RIMS2: variants seen among roughly 807,000 people sequenced by gnomAD.
RIMS2 encodes the protein regulating synaptic membrane exocytosis 2, also known as regulating synaptic membrane exocytosis protein 2.
Under a neutral mutation model 174.4 loss-of-function variants are expected in RIMS2, and 59 were observed. That is an observed-to-expected ratio of 0.34 (90% confidence interval 0.27 to 0.42). The LOEUF (loss-of-function observed/expected upper bound fraction) is 0.42. Among genes scored for constraint, RIMS2 ranks in the 10% least tolerant of loss-of-function variants. The pLI is 1.00. For missense variants in RIMS2, 1,620 were observed against 1,666.3 expected, an observed-to-expected ratio of 0.97 and a Z score of 0.48; for synonymous variants, 606 against 572.5, an observed-to-expected ratio of 1.06 and a Z score of -0.84.
chr8:104,243,517 T>G (rs1247147043), intron 19 of RIMS2, among the ~76,000 whole-genome samples: 1 of 152,070 alleles, frequency 6.6e-6, no homozygotes, highest in East Asian at 1.9e-4. Context: ...AAACCCCATC[T>G]CTACTAAAAA....
chr8:103,639,698 A>G (rs2096180919), intron 1 of RIMS2, among the ~76,000 whole-genome samples: 1 of 151,856 alleles, frequency 6.6e-6, no homozygotes, highest in Admixed American at 6.6e-5. Context: ...TCACCTCTTA[A>G]CATCTTGGTT....
chr8:103,989,220 T>A lies in RIMS2; in HGVS notation c.2928-85T>A. The stretch of plus-strand genomic sequence containing the variant: ...GACTTCACCATATAGTGACTTTGTC[T>A]TTTTCTACTGTGCTTTAAAATAAAC... On this transcript the variant is annotated intron_variant, in intron 16 of 23. Transcript: ENST00000504942. 3 of 824,848 alleles carry A rather than the reference T, an allele frequency of 3.6e-6. No homozygotes were observed. The South Asian group carries it at 4.9e-5, about 14-fold the overall frequency. 51.1% of individuals were successfully genotyped at this position (824,848 alleles called of 1,614,324 possible).
chr8:103,953,762 A>G (rs1195096783), intron 14 of RIMS2, among the ~76,000 whole-genome samples: 5 of 152,154 alleles, frequency 3.3e-5, no homozygotes, highest in African/African-American at 9.7e-5. Context: ...TATTAACCTT[A>G]AATGTAAAAC....
intron 1 of RIMS2, among the ~76,000 whole-genome samples, chr8:103,518,824 C>T (rs1034439678): frequency 2.0e-5 from 3 of 152,080 alleles, no homozygotes; most frequent in East Asian, 1.9e-4. Context: ...AGAATTCCTA[C>T]GAGTGCATTT....
chr8:103,594,993 T>A (rs969279147), intron 1 of RIMS2, among the ~76,000 whole-genome samples: 10 of 151,828 alleles, frequency 6.6e-5, no homozygotes, highest in Admixed American at 6.6e-4. Flanking sequence ...TTTTTTCATT[T>A]CTTTTTCTAG....
At chr8:103,596,427 T>G (rs899306278) in intron 1 of RIMS2, among the ~76,000 whole-genome samples, 2 of 152,062 alleles carry the variant, frequency 1.3e-5, no homozygotes, top group Non-Finnish European at 2.9e-5. Context: ...GCACCTTTGC[T>G]TAATAGTGAA....
At chr8:103,619,072 T>A in intron 1 of RIMS2, among the ~76,000 whole-genome samples, 1 of 140,914 alleles carries the variant, frequency 7.1e-6, no homozygotes, top group Admixed American at 7.4e-5. Flanking sequence ...ATTACATGAG[T>A]CAATAACTTC....
At chr8:104,032,218 G>C (rs1337938331) in intron 19 of RIMS2, among the ~76,000 whole-genome samples, 1 of 151,834 alleles carries the variant, frequency 6.6e-6, no homozygotes, top group Non-Finnish European at 1.5e-5. Context: ...CCATATATTG[G>C]TAATTATTTA....
At position 104,118,379 on chromosome 8, in the gene RIMS2, T is replaced by TTTTTTG. The variant is rs1222524023; in HGVS notation, c.3334+103765_3334+103770dup. 1.4e-3 allele frequency among the ~76,000 whole-genome samples: 205 copies of TTTTTTG among 151,066 alleles called. 2 individuals carry two copies. The highest frequency in any genetic ancestry group is 4.7e-3 in the African/African-American group (192 of 41,220). Reference sequence around the variant, plus strand: ...GTTTTTTTGTTTTTTTGTTTTTTTTTTTTTTGAGACAGGGTCTTGTTCTGT... The same window carrying TTTTTTG: ...GTTTTTTTGTTTTTTTGTTTTTTTTTTTTTTGTTTTTGAGACAGGGTCTTGTTCTGT... On this transcript the variant is annotated intron_variant, in intron 19 of 23. Coordinates refer to ENST00000504942, the Ensembl canonical transcript of RIMS2.
intron 1 of RIMS2, among the ~76,000 whole-genome samples, chr8:103,632,534 C>T (rs1296983558): frequency 1.3e-5 from 2 of 151,998 alleles, no homozygotes; most frequent in Non-Finnish European, 2.9e-5. Flanking sequence ...GATTCTCCTG[C>T]CTCAGCCTCC....
intron 19 of RIMS2, among the ~76,000 whole-genome samples, chr8:104,079,627 A>AC (rs2097370977): frequency 3.0e-5 from 4 of 133,206 alleles, no homozygotes; most frequent in African/African-American, 1.1e-4. Flanking sequence ...ATATATATAT[A>AC]TATATATATA....
chr8:104,166,999 T>C (rs966555481), intron 19 of RIMS2, among the ~76,000 whole-genome samples: 1 of 152,190 alleles, frequency 6.6e-6, no homozygotes, highest in Non-Finnish European at 1.5e-5. Context: ...GGTGTGTATA[T>C]GCCACATTTA....
At chr8:103,519,713 A>G (rs560837495) in intron 1 of RIMS2, among the ~76,000 whole-genome samples, 1 of 142,912 alleles carries the variant, frequency 7.0e-6, no homozygotes, top group East Asian at 2.0e-4. Context: ...CTCTCAGTAC[A>G]TGTTTTCGTG....
chr8:104,026,862 T>G (rs2096268322), intron 19 of RIMS2, among the ~76,000 whole-genome samples: 1 of 152,124 alleles, frequency 6.6e-6, no homozygotes, highest in Non-Finnish European at 1.5e-5. Context: ...GCAGGGAGAA[T>G]GTTAGCACCC....
At chr8:103,650,472 G>A (rs559983504) in intron 1 of RIMS2, among the ~76,000 whole-genome samples, 1 of 152,328 alleles carries the variant, frequency 6.6e-6, no homozygotes, top group African/African-American at 2.4e-5. Flanking sequence ...GCATTCAGGG[G>A]TCTCTTCTTT....
Position 104,189,585 on chromosome 8 carries a change from TA to T in RIMS2, c.3335-55330del. Among the ~76,000 whole-genome samples the T allele has an allele frequency of 4.5e-5, 6 of 134,018 alleles. No individual in the cohort carries two copies. The South Asian group carries it at 8.6e-4, about 19-fold the overall frequency. 87.9% of individuals were successfully genotyped at this position (134,018 alleles called of 152,430 possible). On this transcript the variant is annotated intron_variant, in intron 19 of 23. Transcript: ENST00000504942. ...AGATAAATTCCAAATATATACATTATATATATATATATATTTATGTAAATAT... is the reference window on the plus strand; with the variant it reads ...AGATAAATTCCAAATATATACATTATTATATATATATATTTATGTAAATAT...
At chr8:104,218,445 G>A (rs918279577) in intron 19 of RIMS2, among the ~76,000 whole-genome samples, 1 of 152,204 alleles carries the variant, frequency 6.6e-6, no homozygotes, top group Non-Finnish European at 1.5e-5. Flanking sequence ...GTCGAAGACA[G>A]TTCTTCCACA....
At chr8:104,163,206 A>G (rs1166746503) in intron 19 of RIMS2, among the ~76,000 whole-genome samples, 1 of 152,188 alleles carries the variant, frequency 6.6e-6, no homozygotes, top group Non-Finnish European at 1.5e-5. Context: ...CTCTAAGTGG[A>G]CAAATTCTTC....
At chr8:104,229,332 G>A (rs1400794865) in intron 19 of RIMS2, among the ~76,000 whole-genome samples, 2 of 151,384 alleles carry the variant, frequency 1.3e-5, no homozygotes, top group Non-Finnish European at 2.9e-5. Context: ...AAATGTTTTT[G>A]ATTGGGGAGG....
Sources: gnomAD v4.1 joint callset for allele counts (sites outside exome capture counted in the v4.1 genomes callset) on GRCh38, gnomAD v4.1.1 for gene constraint, MANE v1.5 for transcripts, NCBI Gene and HGNC (gene_info 2026-07-23, HGNC 2026-07-21) for gene names.